The following MAMSTR variants were observed in gnomAD, a reference collection of about 807,000 sequenced individuals.
MAMSTR encodes the protein MEF2 activating motif and SAP domain containing transcriptional regulator.
MAMSTR carries 41 observed loss-of-function variants against 42.7 expected under a neutral mutation model. The ratio of observed to expected loss-of-function variants is 0.96; its 90% CI spans 0.75 to 1.25. The LOEUF is 1.25. Ranked by LOEUF, MAMSTR falls within the 50% of genes most tolerant of loss-of-function variation. The probability of loss-of-function intolerance (pLI) is 0.00; values close to 1 mark genes in which losing one functional copy is unlikely to be tolerated. For synonymous variants in MAMSTR, 265 were observed against 244.1 expected, an observed-to-expected ratio of 1.09 and a Z score of -0.80; for missense variants, 567 against 557.6, an observed-to-expected ratio of 1.02 and a Z score of -0.17.
downstream of MAMSTR, among the ~76,000 whole-genome samples, chr19:48,710,020 C>A (rs1729015233): frequency 6.6e-6 from 1 of 152,098 alleles, no homozygotes; most frequent in Non-Finnish European, 1.5e-5. Context: ...CAGGCGCCCA[C>A]CACTGCGCCT....
intron 2 of MAMSTR, chr19:48,717,006 G>C: frequency 8.9e-7 from 1 of 1,124,120 alleles, no homozygotes; most frequent in Admixed American, 5.0e-5. Flanking sequence ...CCCTGCCCCC[G>C]GCTCCACCTG....
At chr19:48,710,782 T>G (rs2032711171), downstream of MAMSTR, among the ~76,000 whole-genome samples, 1 of 151,786 alleles carries the variant, frequency 6.6e-6, no homozygotes, top group East Asian at 2.0e-4. Flanking sequence ...GGAGACTGGG[T>G]TTCACCATAT....
downstream of MAMSTR, among the ~76,000 whole-genome samples, chr19:48,711,745 T>TG (rs1601243018): frequency 7.1e-6 from 1 of 141,054 alleles, no homozygotes; most frequent in African/African-American, 2.6e-5. Flanking sequence ...GCTAGTTTTT[T>TG]TTTTTTTTTT....
In MAMSTR at chr19:48,713,366, A is replaced by G. The variant is rs749896635; in HGVS notation, c.1149T>C (p.Pro383=). 5 of 1,609,310 alleles carry G rather than the reference A, an allele frequency of 3.1e-6. No individual in the cohort carries two copies. Among genetic ancestry groups the G allele is most frequent in the Non-Finnish European group, 3.4e-6 (4 of 1,178,756 alleles). The change falls in exon 10 of 10, where the codon CCT becomes CCC. Residue 383 remains proline, a synonymous_variant. Transcript: ENST00000318083. ...GGGGTGGGGGACCAGAACCCAGAGG[A>G]GGACCCCCGCTCAGGGCCTCCAGCC... The part of the protein sequence containing the change: ...LDWLEALSGG[P]PLGSGPPPPS...
Position 48,713,446 on chromosome 19 carries a change from A to G in MAMSTR, c.1069T>C (p.Ser357Pro), listed in dbSNP as rs762243009. 1.9e-6 allele frequency: 3 copies of G among 1,612,724 alleles called. No homozygotes were observed. The Admixed American group carries it at 5.0e-5, about 27-fold the overall frequency. ...LSSVFSSSLP[S>P]PTNSSSPSPR... ...GAAGGGGAGGAGGAGTTCGTGGGAG[A>G]CGGGAGTGAAGAGGAGAAAACAGAT... is the stretch of plus-strand genomic sequence containing the variant. The change falls in exon 10 of 10, where the codon TCT becomes CCT. Residue 357 changes from serine to proline, a missense_variant. Transcript: ENST00000318083.
chr19:48,708,617 A>G (rs956924901), downstream of MAMSTR, among the ~76,000 whole-genome samples: 1 of 152,146 alleles, frequency 6.6e-6, no homozygotes, highest in East Asian at 1.9e-4. Context: ...CTGAAGGTTC[A>G]GACAGGCACC....
At chr19:48,711,011 C>T (rs905995156), downstream of MAMSTR, among the ~76,000 whole-genome samples, 2 of 152,202 alleles carry the variant, frequency 1.3e-5, no homozygotes, top group African/African-American at 4.8e-5. Context: ...TGACCCATGG[C>T]TCATGGCTGA....
Position 48,715,606 on chromosome 19 carries a change from C to G in MAMSTR, c.240+19G>C, listed in dbSNP as rs1246846674. On this transcript the variant is annotated intron_variant, in intron 4 of 9. Transcript: ENST00000318083. The stretch of plus-strand genomic sequence containing the variant: ...AGACTAGGCTCTCAGAGGGACCTCT[C>G]CCTCCAGTCGAGACTCACCTTCTTT... 13 of 1,521,154 alleles carry G rather than the reference C, an allele frequency of 8.5e-6. No individual in the cohort carries two copies. The highest frequency in any genetic ancestry group is 1.1e-5 in the Non-Finnish European group (12 of 1,138,874). The allele number at this position is 1,521,154 out of a possible 1,614,324, so 94.2% of individuals were successfully genotyped here. A position where few individuals can be genotyped will look rare whatever the true frequency, so the allele number is the denominator to read the frequency against.
chr19:48,712,377 C>T (rs1013857589), downstream of MAMSTR, among the ~76,000 whole-genome samples: 1 of 151,986 alleles, frequency 6.6e-6, no homozygotes, highest in Non-Finnish European at 1.5e-5. Context: ...GTTTTCCCCA[C>T]TCTTCTGCTG....
Position 48,713,228 on chromosome 19 carries a change from C to T in MAMSTR, c.*39G>A, listed in dbSNP as rs775772010. On this transcript the variant is annotated 3_prime_UTR_variant, in exon 10 of 10. Transcript: ENST00000318083. ...TCCTCCCACAAGGAGCTTCTCTCCA[C>T]CCCCATCAGTTCTCTGTCTCTGTAA... is the stretch of plus-strand genomic sequence containing the variant. 2.6e-6 allele frequency: 4 copies of T among 1,533,834 alleles called. No individual in the cohort carries two copies. The highest frequency in any genetic ancestry group is 3.5e-6 in the Non-Finnish European group (4 of 1,142,146).
Position 48,714,580 on chromosome 19 carries a change from G to T in MAMSTR, c.529-20C>A. 6.9e-7 allele frequency: 1 copy of T among 1,459,166 alleles called. No homozygotes were observed. The highest frequency in any genetic ancestry group is 2.5e-5 in the East Asian group (1 of 40,308). The allele number at this position is 1,459,166 out of a possible 1,614,324, so 90.4% of individuals were successfully genotyped here. The stretch of plus-strand genomic sequence containing the variant: ...TGAGACCTGGGGAGGGGCGGGGCGT[G>T]GGAAGAGGCAGTGCTGGGCGGGCTC... On this transcript the variant is annotated intron_variant, in intron 6 of 9. Transcript: ENST00000318083.
chr19:48,709,375 C>T (rs1439294676), downstream of MAMSTR, among the ~76,000 whole-genome samples: 2 of 152,036 alleles, frequency 1.3e-5, no homozygotes, highest in Non-Finnish European at 2.9e-5. Flanking sequence ...CTCGAACTCC[C>T]AACCTCAGGT....
chr19:48,710,905 C>T (rs1453181953), downstream of MAMSTR, among the ~76,000 whole-genome samples: 2 of 152,118 alleles, frequency 1.3e-5, no homozygotes, highest in Admixed American at 1.3e-4. Context: ...CATTTTAAAA[C>T]ATTTTGCTGC....
chr19:48,712,435 T>C (rs1280869723), downstream of MAMSTR, among the ~76,000 whole-genome samples: 1 of 151,828 alleles, frequency 6.6e-6, no homozygotes, highest in Non-Finnish European at 1.5e-5. Flanking sequence ...CTTTTTTTTT[T>C]TTTAAGATGG....
chr19:48,715,973 A>G, intron 3 of MAMSTR: 2 of 1,374,646 alleles, frequency 1.5e-6, no homozygotes, highest in South Asian at 3.5e-5. Context: ...TAAAGCAGGA[A>G]TTTTCTATCA....
In MAMSTR at chr19:48,717,005, C is replaced by T. The variant is rs964366619; in HGVS notation, c.59-262G>A. 4 of 1,126,570 alleles carry T rather than the reference C, an allele frequency of 3.6e-6. No individual in the cohort carries two copies. In the African/African-American group the frequency reaches 4.9e-5, roughly 14 times the overall value. The allele number at this position is 1,126,570 out of a possible 1,614,324, so 69.8% of individuals were successfully genotyped here. ...TGCAGGCTGGAGGCAGCCCTGCCCC[C>T]GGCTCCACCTGCCCCCTCCATGAGC... On this transcript the variant is annotated intron_variant, in intron 2 of 9. Transcript: ENST00000318083.
At chr19:48,716,057 G>A (rs1288228120) in intron 3 of MAMSTR, 2 of 869,774 alleles carry the variant, frequency 2.3e-6, no homozygotes, top group East Asian at 5.4e-5. Flanking sequence ...TGCACTCCTG[G>A]TTCTTGGGGA....
chr19:48,716,935 A>AGCGCC (rs2033064463), intron 2 of MAMSTR, 192 bp from the exon 3 acceptor site: 36 of 1,195,238 alleles, frequency 3.0e-5, no homozygotes, highest in East Asian at 3.4e-5. Flanking sequence ...CTGCCAGCGC[A>AGCGCC]GCGCCGCGGG....
chr19:48,711,739 G>GT (rs34890088), downstream of MAMSTR, among the ~76,000 whole-genome samples: 53,426 of 76,472 alleles, frequency 0.7, 20,648 homozygotes, highest in Non-Finnish European at 0.79. Context: ...TACCTGGCTA[G>GT]TTTTTTTTTT....
Sources: allele counts gnomAD v4.1 joint callset (sites outside exome capture counted in the v4.1 genomes callset), GRCh38; gene constraint gnomAD v4.1.1; transcripts MANE v1.5; gene names NCBI Gene and HGNC (gene_info 2026-07-23, HGNC 2026-07-21).